SND1: variants seen among roughly 807,000 people sequenced by gnomAD.
The protein encoded by SND1 is staphylococcal nuclease and tudor domain containing 1, also known as staphylococcal nuclease domain-containing protein 1.
A neutral mutation model predicts 121.7 loss-of-function variants in SND1; 38 were observed. The observed-to-expected ratio is 0.31, with a 90% CI of 0.24 to 0.41. The LOEUF (loss-of-function observed/expected upper bound fraction) is 0.41, where lower values mean the gene tolerates loss of function less well. Ranked by LOEUF, SND1 falls within the 10% of genes least tolerant of loss-of-function variation. SND1 has a pLI of 1.00. For synonymous variants in SND1, 401 were observed against 447.4 expected, an observed-to-expected ratio of 0.90 and a Z score of 1.31; for missense variants, 868 against 1,184.6, an observed-to-expected ratio of 0.73 and a Z score of 3.92.
At chr7:127,694,991 T>G in intron 3 of SND1, 43 bp downstream of exon 3, 1 of 1,595,794 alleles carries the variant, frequency 6.3e-7, no homozygotes, top group Non-Finnish European at 8.6e-7. Flanking sequence ...AGTCTAAAGT[T>G]CTGTTAAAGA....
At chr7:127,811,635 G>A (rs1198565063) in intron 11 of SND1, among the ~76,000 whole-genome samples, 2 of 152,094 alleles carry the variant, frequency 1.3e-5, no homozygotes, top group Non-Finnish European at 1.5e-5. Context: ...AAGAATCAGG[G>A]TGTTAGACTA....
chr7:127,723,468 A>G (rs73723044), intron 10 of SND1, among the ~76,000 whole-genome samples: 2,594 of 152,316 alleles, frequency 0.017, 91 homozygotes, highest in African/African-American at 0.059. Flanking sequence ...CTTAGCTGCA[A>G]TAATCTACAA....
intron 11 of SND1, among the ~76,000 whole-genome samples, chr7:127,834,623 T>A (rs1407254948): frequency 6.6e-6 from 1 of 152,162 alleles, no homozygotes; most frequent in Non-Finnish European, 1.5e-5. Context: ...TGTGGTATGT[T>A]TACAGGAAGA....
At chr7:127,714,284 G>GAGC (rs1796348436) in intron 9 of SND1, among the ~76,000 whole-genome samples, 1 of 152,172 alleles carries the variant, frequency 6.6e-6, no homozygotes, top group African/African-American at 2.4e-5. Flanking sequence ...CTTTGTCTGG[G>GAGC]AGCAGTAAGT....
chr7:127,872,628 G>GCGCACACACA (rs375975443), intron 12 of SND1, among the ~76,000 whole-genome samples: 1 of 139,846 alleles, frequency 7.2e-6, no homozygotes, highest in African/African-American at 2.6e-5. Context: ...TAACACACAC[G>GCGCACACACA]CACACACACA....
In SND1 at chr7:127,840,540, G is replaced by A. The variant is rs117193846; in HGVS notation, c.1243-3784G>A. ...ATTAATCAGTTTCTTCTCTCATGCC[G>A]TTTTATACATACTTACCCACAAACA... On this transcript the variant is annotated intron_variant, in intron 11 of 23. Coordinates refer to ENST00000354725, the MANE Select transcript of SND1 (RefSeq NM_014390.4). Among the ~76,000 whole-genome samples, 703 of 152,244 alleles carry A rather than the reference G, an allele frequency of 4.6e-3. 2 individuals carry two copies. The highest frequency in any genetic ancestry group is 0.011 in the Admixed American group (169 of 15,290).
chr7:127,691,429 G>A (rs1013482141), intron 2 of SND1, among the ~76,000 whole-genome samples: 62 of 151,524 alleles, frequency 4.1e-4, no homozygotes, highest in East Asian at 9.9e-4. Flanking sequence ...GTGTAGTCCC[G>A]GCTACTCGGG....
intron 11 of SND1, among the ~76,000 whole-genome samples, chr7:127,810,475 A>G (rs1344063665): frequency 6.6e-6 from 1 of 152,222 alleles, no homozygotes; most frequent in African/African-American, 2.4e-5. Context: ...GAATATTCAC[A>G]GCAAAGAGTT....
intron 14 of SND1, among the ~76,000 whole-genome samples, chr7:127,910,774 GTC>G (rs1254162943): frequency 6.6e-6 from 1 of 151,990 alleles, no homozygotes; most frequent in African/African-American, 2.4e-5. Context: ...ATGTTCTCAC[GTC>G]TCTCTTGCCA....
At chr7:127,717,814 G>A (rs1263638307) in intron 9 of SND1, among the ~76,000 whole-genome samples, 2 of 152,158 alleles carry the variant, frequency 1.3e-5, no homozygotes, top group African/African-American at 2.4e-5. Flanking sequence ...AGCTCAGGAA[G>A]CTGTTGAACA....
intron 13 of SND1, among the ~76,000 whole-genome samples, chr7:127,889,982 A>G (rs897297918): frequency 3.3e-5 from 5 of 152,138 alleles, no homozygotes; most frequent in Non-Finnish European, 5.9e-5. Context: ...GACTGTAGCA[A>G]ACATGGGAGT....
chr7:127,854,990 G>A (rs1220091847), intron 12 of SND1, among the ~76,000 whole-genome samples: 1 of 150,194 alleles, frequency 6.7e-6, no homozygotes, highest in East Asian at 1.9e-4. Context: ...CTATTTTGGG[G>A]GTGCTTCTTT....
intron 15 of SND1, among the ~76,000 whole-genome samples, chr7:127,981,287 T>A (rs1436094300): frequency 1.3e-5 from 2 of 152,182 alleles, no homozygotes; most frequent in Non-Finnish European, 2.9e-5. Context: ...AAAAAAAATT[T>A]TTGAAAGGCA....
chr7:128,033,801 C>T (rs764095369), intron 16 of SND1, among the ~76,000 whole-genome samples: 1 of 152,134 alleles, frequency 6.6e-6, no homozygotes, highest in African/African-American at 2.4e-5. Context: ...GGATTTGAGC[C>T]TCAGCACGTC....
rs773470414 is a variant in SND1, at chr7:128,057,539, C to T, written c.1780-16963C>T. On this transcript the variant is annotated intron_variant, in intron 16 of 23. Transcript: ENST00000354725. ...TCAGCATTTCTTAGCACATGGCTTACATTCTCAGGGTCCAAGGTGTCTACA... is the reference window on the plus strand; with the variant it reads ...TCAGCATTTCTTAGCACATGGCTTATATTCTCAGGGTCCAAGGTGTCTACA... 1.3e-3 allele frequency among the ~76,000 whole-genome samples: 200 copies of T among 152,190 alleles called. 2 individuals carry two copies. Among genetic ancestry groups the T allele is most frequent in the Non-Finnish European group, 2.2e-3 (147 of 68,026 alleles).
chr7:127,838,023 G>T lies in SND1; in HGVS notation c.1243-6301G>T, dbSNP rs544059950. On this transcript the variant is annotated intron_variant, in intron 11 of 23. Transcript: ENST00000354725. ...TTCCCCTGTTGGCTAGGGTTGGACC[G>T]CACAGTCTAAGCTAATTCCAATTGG... Among the ~76,000 whole-genome samples the T allele has an allele frequency of 7.2e-5, 11 of 152,120 alleles. No homozygotes were observed. In the South Asian group the frequency reaches 8.3e-4, roughly 11 times the overall value.
At chr7:127,957,637 AT>A (rs1157090475) in intron 15 of SND1, among the ~76,000 whole-genome samples, 4 of 152,280 alleles carry the variant, frequency 2.6e-5, no homozygotes, top group Admixed American at 6.5e-5. Flanking sequence ...ATTTCTCAGG[AT>A]TCTTAGACTA....
At chr7:127,934,847 G>A (rs890317456) in intron 15 of SND1, among the ~76,000 whole-genome samples, 3 of 152,178 alleles carry the variant, frequency 2.0e-5, no homozygotes, top group Admixed American at 1.3e-4. Context: ...CTGTTACAGT[G>A]CCTAGAGGAC....
rs989556842 is a variant in SND1, at chr7:128,058,819, G to A, written c.1780-15683G>A. Among the ~76,000 whole-genome samples the A allele has an allele frequency of 3.9e-5, 6 of 152,016 alleles. No homozygotes were observed. The South Asian group carries it at 6.3e-4, about 16-fold the overall frequency. ...TATACATGTTGTTCAGGTTCCTCTC[G>A]TTCCGTCCCTCCTTCCCTCCCCTCC... On this transcript the variant is annotated intron_variant, in intron 16 of 23. Coordinates refer to ENST00000354725, the MANE Select transcript of SND1 (RefSeq NM_014390.4).
Sources: allele counts gnomAD v4.1 joint callset (sites outside exome capture counted in the v4.1 genomes callset), GRCh38; gene constraint gnomAD v4.1.1; transcripts MANE v1.5; gene names NCBI Gene and HGNC (gene_info 2026-07-23, HGNC 2026-07-21).